PARP1: variants seen among roughly 807,000 people sequenced by gnomAD.
PARP1 encodes the protein poly(ADP-ribose) polymerase 1.
In PARP1, 44 loss-of-function variants were observed where a neutral mutation model predicts 118.7. The observed-to-expected ratio is 0.37, with a 90% CI of 0.29 to 0.48. The LOEUF (loss-of-function observed/expected upper bound fraction) is 0.48. Ranked by LOEUF, PARP1 falls within the 20% of genes least tolerant of loss-of-function variation. The pLI is 0.99. For synonymous variants in PARP1, 492 were observed against 483.2 expected (o/e 1.02, Z -0.24); for missense variants, 1,100 against 1,272.4 (o/e 0.86, Z 2.06).
At chr1:226,407,701 G>A (rs1665179366) in intron 1 of PARP1, 109 bp downstream of exon 1, 3 of 996,212 alleles carry the variant, frequency 3.0e-6, no homozygotes, top group Non-Finnish European at 3.9e-6. Context: ...GTGCCGCTCC[G>A]AGGGCCCGGG....
In PARP1 at chr1:226,361,511, A is replaced by C; in HGVS notation, c.2994T>G (p.Asn998Lys). The change falls in exon 23 of 23, where the codon AAT (asparagine) becomes AAG (lysine). Residue 998 changes from asparagine (N) to lysine (K), a missense_variant. Transcript: ENST00000366794. ...EYIVYDIAQV[N>K]LKYLLKLKFN... ...ATTTCAGTTTCAGCAGATACTTCAG[A>C]TTTACCTGAGCAATATCATAGACAA... is the stretch of plus-strand genomic sequence containing the variant. The C allele has an allele frequency of 6.2e-7, 1 of 1,612,936 alleles. No homozygotes were observed. Among genetic ancestry groups the C allele is most frequent in the Non-Finnish European group, 8.5e-7 (1 of 1,178,944 alleles).
intron 1 of PARP1, 108 bp from the exon 2 acceptor site, chr1:226,402,487 T>A: frequency 9.5e-7 from 1 of 1,051,452 alleles, no homozygotes; most frequent in Non-Finnish European, 1.4e-6. Context: ...AGCAGTGGGA[T>A]AGCACATGAA....
chr1:226,395,642 C>A (rs762975770), intron 2 of PARP1, among the ~76,000 whole-genome samples: 6 of 151,028 alleles, frequency 4.0e-5, no homozygotes, highest in Middle Eastern at 3.4e-3. Context: ...GACTCTGTCT[C>A]AAAAAAAACA....
chr1:226,402,176 G>T (rs1665049421), intron 2 of PARP1, 38 bp downstream of exon 2: 1 of 1,614,152 alleles, frequency 6.2e-7, no homozygotes, highest in East Asian at 2.2e-5. Flanking sequence ...GCTTCAGGGT[G>T]GGGGCTGAAT....
intron 15 of PARP1, 118 bp from the exon 16 acceptor site, chr1:226,368,439 C>T (rs1664316594): frequency 4.6e-6 from 6 of 1,297,854 alleles, no homozygotes; most frequent in Non-Finnish European, 6.6e-6. Context: ...GTGGTATGTG[C>T]ACATGCCAGG....
intron 9 of PARP1, 119 bp from the exon 10 acceptor site, chr1:226,380,283 T>C (rs1381573541): frequency 1.3e-5 from 13 of 1,017,852 alleles, no homozygotes; most frequent in Non-Finnish European, 1.3e-5. Flanking sequence ...CAGCTCTCCT[T>C]TGCTTCCAAG....
rs946918281 is a variant in PARP1 at position 226,362,947 on chromosome 1, C to G, written c.2848+152G>C. On this transcript the variant is annotated intron_variant, in intron 21 of 22. Coordinates refer to ENST00000366794, the MANE Select transcript of PARP1 (RefSeq NM_001618.4). ...ACCACCACCACCCCCCAAACAACAACAACAACGCACACACACCCCTCGAAA... is the reference window on the plus strand; with the variant it reads ...ACCACCACCACCCCCCAAACAACAAGAACAACGCACACACACCCCTCGAAA... The G allele has an allele frequency of 5.7e-5, 38 of 670,912 alleles. 1 individual carries two copies. In the Middle Eastern group the frequency reaches 2.3e-3, roughly 40 times the overall value. 41.6% of individuals were successfully genotyped at this position (670,912 alleles called of 1,614,324 possible).
intron 14 of PARP1, among the ~76,000 whole-genome samples, chr1:226,372,258 A>G (rs1001412213): frequency 1.3e-5 from 2 of 152,194 alleles, no homozygotes; most frequent in African/African-American, 2.4e-5. Context: ...TGAGGTCAGG[A>G]GTGGGCACCC....
intron 3 of PARP1, among the ~76,000 whole-genome samples, chr1:226,391,108 C>T (rs3219038): frequency 0.1 from 15,101 of 151,280 alleles, 867 homozygotes; most frequent in Middle Eastern, 0.2. Flanking sequence ...CTTAAGTGAC[C>T]CTCCTACCTC....
chr1:226,367,623 GAA>G lies in PARP1; in HGVS notation c.2278-17_2278-16del, dbSNP rs773550118. The stretch of plus-strand genomic sequence containing the variant: ...TCCACCTTGGCCTGGAGGAGCAAAA[GAA>G]AGCCCCCGACTTAGGTATCATGGTG... On this transcript the variant is annotated splice_polypyrimidine_tract_variant and intron_variant, in intron 16 of 22. Coordinates refer to ENST00000366794, the MANE Select transcript of PARP1 (RefSeq NM_001618.4). 5.6e-6 allele frequency: 9 copies of G among 1,613,842 alleles called. No individual in the cohort carries two copies. In the Admixed American group the frequency reaches 1.5e-4, roughly 27 times the overall value.
intron 2 of PARP1, among the ~76,000 whole-genome samples, chr1:226,397,573 G>C (rs1208776878): frequency 1.3e-5 from 2 of 152,100 alleles, no homozygotes; most frequent in Admixed American, 6.6e-5. Flanking sequence ...TGGATCACCG[G>C]GACAGATTTC....
chr1:226,363,038 C>A, intron 21 of PARP1, 61 bp downstream of exon 21: 1 of 1,187,850 alleles, frequency 8.4e-7, no homozygotes, highest in African/African-American at 1.5e-5. Flanking sequence ...ACAGCAAGCC[C>A]CCGGCTTCTG....
At chr1:226,379,672 A>C in intron 10 of PARP1, 31 bp from the exon 11 acceptor site, 1 of 1,546,638 alleles carries the variant, frequency 6.5e-7, no homozygotes, top group Middle Eastern at 2.0e-4. Flanking sequence ...TGTAAACATG[A>C]AGTTAAATGT....
rs757556995 is a variant in PARP1 at position 226,402,336 on chromosome 1, G to A, written c.164C>T (p.Ser55Phe). Residue 55 changes from serine to phenylalanine, a missense_variant, in exon 2 of 23, where the codon TCC becomes TTC. Physicochemically the swap from Ser to Phe is radical, Grantham distance 155 (BLOSUM62 -2). Transcript: ENST00000366794. The part of the protein sequence containing the change: ...DGKVPHWYHF[S>F]CFWKVGHSIR... ...GGAGTGGCCCACCTTCCAGAAGCAG[G>A]AGAAGTGGTACCAGTGTGGGACTTT... 3 of 1,613,806 alleles carry A rather than the reference G, an allele frequency of 1.9e-6. No homozygotes were observed. Among genetic ancestry groups the A allele is most frequent in the Admixed American group, 3.3e-5 (2 of 60,008 alleles).
chr1:226,404,815 C>T (rs1026725050), intron 1 of PARP1, among the ~76,000 whole-genome samples: 2 of 152,226 alleles, frequency 1.3e-5, no homozygotes, highest in African/African-American at 2.4e-5. Flanking sequence ...TACCAGGGTC[C>T]TCACCCAACC....
intron 2 of PARP1, among the ~76,000 whole-genome samples, chr1:226,398,315 T>TA (rs1353159551): frequency 2.0e-5 from 3 of 152,060 alleles, no homozygotes; most frequent in Admixed American, 6.5e-5. Flanking sequence ...AATGTGATTT[T>TA]AAAAAGAGCA....
At chr1:226,405,632 A>G (rs1456267430) in intron 1 of PARP1, among the ~76,000 whole-genome samples, 1 of 152,114 alleles carries the variant, frequency 6.6e-6, no homozygotes, top group African/African-American at 2.4e-5. Context: ...GATCAGGTTC[A>G]GTTTCCTCCA....
At chr1:226,388,858 T>G in intron 4 of PARP1, 103 bp from the exon 5 acceptor site, 1 of 886,112 alleles carries the variant, frequency 1.1e-6, no homozygotes, top group Non-Finnish European at 1.9e-6. Flanking sequence ...ATCAACTCCC[T>G]GTAGGGCCTA....
At position 226,383,194 on chromosome 1, in the gene PARP1, TTAAG is replaced by T. The variant is rs769364206; in HGVS notation, c.1012-15_1012-12del. The T allele has an allele frequency of 1.2e-6, 2 of 1,611,760 alleles. No individual in the cohort carries two copies. Among genetic ancestry groups the T allele is most frequent in the Non-Finnish European group, 1.7e-6 (2 of 1,178,522 alleles). On this transcript the variant is annotated splice_polypyrimidine_tract_variant and intron_variant, in intron 7 of 22. Coordinates refer to ENST00000366794, the MANE Select transcript of PARP1 (RefSeq NM_001618.4). Reference sequence around the variant, plus strand: ...GATTTCTCGGAATTCCTAAAAAATATTAAGTTTTAGTTAAGAAGCCAGCTCTCCC... The same window carrying T: ...GATTTCTCGGAATTCCTAAAAAATATTTTTAGTTAAGAAGCCAGCTCTCCC...
Sources: gnomAD v4.1 joint callset for allele counts (sites outside exome capture counted in the v4.1 genomes callset) on GRCh38, gnomAD v4.1.1 for gene constraint, MANE v1.5 for transcripts, NCBI Gene and HGNC (gene_info 2026-07-23, HGNC 2026-07-21) for gene names.